The following CNST variants were observed in gnomAD, a reference collection of about 807,000 sequenced individuals.
CNST encodes the protein consortin, connexin sorting protein.
Under a neutral mutation model 72.4 loss-of-function variants are expected in CNST, and 39 were observed. The ratio of observed to expected loss-of-function variants is 0.54; its 90% CI spans 0.42 to 0.70. The LOEUF is 0.70. CNST is among the 30% of genes least tolerant of loss of function. The probability of loss-of-function intolerance (pLI) is 0.00; values close to 1 mark genes in which losing one functional copy is unlikely to be tolerated. For missense variants in CNST, 871 were observed against 868.5 expected (o/e 1.00, Z -0.04); for synonymous variants, 332 against 320.1 (o/e 1.04, Z -0.40).
At chr1:246,605,251 G>A (rs941376617) in intron 2 of CNST, among the ~76,000 whole-genome samples, 8 of 152,332 alleles carry the variant, frequency 5.3e-5, no homozygotes, top group African/African-American at 1.9e-4. Flanking sequence ...AAAATATGGT[G>A]CTTGAGTTGT....
rs1213379962 is a variant in CNST, at chr1:246,621,482, G to C, written c.433G>C (p.Val145Leu). 1.9e-6 allele frequency: 3 copies of C among 1,614,206 alleles called. 1 individual carries two copies. The Admixed American group carries it at 5.0e-5, about 27-fold the overall frequency. ...AATGCAAGAAAAAGTACTAAGCGCA[G>C]TCACATATGCTGTTGATGATGAAGA... ...PLMQEKVLSAVTYAVDDEEAA... is the reference protein window; with the variant it reads ...PLMQEKVLSALTYAVDDEEAA... The change falls in exon 3 of 11, where the codon GTC (valine) becomes CTC (leucine). Residue 145 changes from valine to leucine, a missense_variant. Coordinates refer to ENST00000366513, the MANE Select transcript of CNST (RefSeq NM_152609.3).
Position 246,621,628 on chromosome 1 carries a change from T to C in CNST, c.579T>C (p.Leu193=), listed in dbSNP as rs1382876090. Reference sequence around the variant, plus strand: ...ATTCAAGAGCACTTCCCCTTTGCCTTCATCAGGTACTCTGGTAAACCCTTC... The same window carrying C: ...ATTCAAGAGCACTTCCCCTTTGCCTCCATCAGGTACTCTGGTAAACCCTTC... ...QLDSRALPLC[L]HQIAESYFQE... is the part of the protein sequence containing the mutation. The change falls in exon 3 of 11, where the codon CTT becomes CTC. Residue 193 remains leucine, a synonymous_variant. Coordinates refer to ENST00000366513, the MANE Select transcript of CNST (RefSeq NM_152609.3). The C allele has an allele frequency of 6.2e-7, 1 of 1,612,814 alleles. No individual in the cohort carries two copies. The highest frequency in any genetic ancestry group is 8.5e-7 in the Non-Finnish European group (1 of 1,178,964).
chr1:246,621,028 GAC>G (rs1405257954), intron 2 of CNST, among the ~76,000 whole-genome samples: 1 of 152,230 alleles, frequency 6.6e-6, no homozygotes, highest in African/African-American at 2.4e-5. Flanking sequence ...TATTAAAACT[GAC>G]ACTGAGATTT....
chr1:246,588,622 A>G (rs545688607), intron 1 of CNST, among the ~76,000 whole-genome samples: 1 of 152,374 alleles, frequency 6.6e-6, no homozygotes, highest in South Asian at 2.1e-4. Flanking sequence ...TAGTAACCAC[A>G]TTAAAAATTT....
intron 8 of CNST, among the ~76,000 whole-genome samples, chr1:246,644,063 C>T (rs1572228551): frequency 1.3e-5 from 2 of 152,266 alleles, no homozygotes; most frequent in East Asian, 3.9e-4. Flanking sequence ...TAGAATGGCA[C>T]CTCAGACTGT....
At chr1:246,609,409 C>T (rs986391279) in intron 2 of CNST, among the ~76,000 whole-genome samples, 1 of 152,154 alleles carries the variant, frequency 6.6e-6, no homozygotes, top group Non-Finnish European at 1.5e-5. Context: ...AACCCCGTCT[C>T]TACTAAAACT....
chr1:246,591,279 G>A (rs1336157200), intron 1 of CNST, among the ~76,000 whole-genome samples: 2 of 152,070 alleles, frequency 1.3e-5, no homozygotes, highest in East Asian at 3.9e-4. Context: ...ATAGAATTTG[G>A]GCAGCCTCTC....
chr1:246,641,588 A>G (rs772620059), intron 6 of CNST, among the ~76,000 whole-genome samples, 161 bp from the exon 7 acceptor site: 20 of 152,182 alleles, frequency 1.3e-4, no homozygotes, highest in Non-Finnish European at 2.2e-4. Context: ...ACTTTGAACT[A>G]TGTGAGCCAG....
chr1:246,658,892 T>C (rs1007971203), intron 9 of CNST, among the ~76,000 whole-genome samples: 29 of 152,350 alleles, frequency 1.9e-4, no homozygotes, highest in African/African-American at 6.7e-4. Context: ...GGCCTCCTGC[T>C]TCCCAGCCTG....
At chr1:246,606,684 G>A (rs1352101843) in intron 2 of CNST, 4 of 151,214 alleles carry the variant, frequency 2.6e-5, no homozygotes, top group East Asian at 2.0e-4. Flanking sequence ...CGTAATATTC[G>A]ATGATCCATT....
chr1:246,621,402 CAT>C, intron 2 of CNST, 25 bp from the exon 3 acceptor site: 1 of 1,518,310 alleles, frequency 6.6e-7, no homozygotes. Flanking sequence ...TTGATCCTAA[CAT>C]AGGCATTTTC....
At chr1:246,628,284 TCACGTTGA>T (rs1438465443) in intron 3 of CNST, among the ~76,000 whole-genome samples, 2 of 151,978 alleles carry the variant, frequency 1.3e-5, no homozygotes, top group African/African-American at 4.8e-5. Flanking sequence ...TTCAATCCAA[TCACGTTGA>T]CACTCAGTAT....
Position 246,666,200 on chromosome 1 carries a change from G to C in CNST, c.*295G>C, listed in dbSNP as rs1014577979. On this transcript the variant is annotated 3_prime_UTR_variant, in exon 11 of 11. Coordinates refer to ENST00000366513, the MANE Select transcript of CNST (RefSeq NM_152609.3). ...AGGTACACTGAGCAGAATTAAACAG[G>C]GTAGTCTTAACCACACTATTTTTAG... 1.7e-5 allele frequency: 5 copies of C among 300,232 alleles called. No individual in the cohort carries two copies. The highest frequency in any genetic ancestry group is 2.1e-5 in the African/African-American group (1 of 46,616). 18.6% of individuals were successfully genotyped at this position (300,232 alleles called of 1,614,324 possible).
At chr1:246,621,720 C>T (rs778183052) in intron 3 of CNST, 86 bp downstream of exon 3, 279 of 1,163,090 alleles carry the variant, frequency 2.4e-4, no homozygotes, top group Non-Finnish European at 3.3e-4. Context: ...CTTGGCTGGG[C>T]GCAGTGGCTC....
chr1:246,603,009 A>G (rs1013026266), intron 2 of CNST, among the ~76,000 whole-genome samples: 2 of 152,204 alleles, frequency 1.3e-5, no homozygotes, highest in Non-Finnish European at 2.9e-5. Flanking sequence ...CTGTCCCAAA[A>G]AACAGCATTC....
chr1:246,644,358 C>CA (rs1665908944), intron 8 of CNST, among the ~76,000 whole-genome samples: 4 of 143,454 alleles, frequency 2.8e-5, no homozygotes, highest in African/African-American at 5.1e-5. Context: ...CACTGCGCTC[C>CA]GCCTGGGCGA....
chr1:246,623,960 C>T (rs191855693), intron 3 of CNST, among the ~76,000 whole-genome samples: 17 of 150,090 alleles, frequency 1.1e-4, no homozygotes, highest in Admixed American at 8.0e-4. Context: ...CTACTCAGGA[C>T]GCTAAGGTGG....
At chr1:246,635,020 C>T (rs899531041) in intron 6 of CNST, among the ~76,000 whole-genome samples, 4 of 152,084 alleles carry the variant, frequency 2.6e-5, no homozygotes, top group Admixed American at 6.5e-5. Flanking sequence ...TTCTCGCTGA[C>T]GCGCGCTGCT....
At chr1:246,625,409 T>C (rs1664346687) in intron 3 of CNST, among the ~76,000 whole-genome samples, 1 of 140,554 alleles carries the variant, frequency 7.1e-6, no homozygotes, top group African/African-American at 2.7e-5. Flanking sequence ...TCTAATTATT[T>C]CTTTCTTTTT....
Sources: gnomAD v4.1 joint callset for allele counts (sites outside exome capture counted in the v4.1 genomes callset) on GRCh38, gnomAD v4.1.1 for gene constraint, MANE v1.5 for transcripts, NCBI Gene and HGNC (gene_info 2026-07-23, HGNC 2026-07-21) for gene names.